Variants in PCDH9 observed in about 807,000 individuals in gnomAD.
PCDH9 encodes the protein protocadherin-9.
PCDH9 carries 24 observed loss-of-function variants against 70.6 expected under a neutral mutation model. The observed-to-expected ratio is 0.34, with a 90% confidence interval of 0.25 to 0.48. The LOEUF (loss-of-function observed/expected upper bound fraction) is 0.48, where lower values mean the gene tolerates loss of function less well. PCDH9 is among the 20% of genes least tolerant of loss of function. PCDH9 has a pLI of 0.99. For synonymous variants in PCDH9, 562 were observed against 558.5 expected (o/e 1.01, Z -0.09); for missense variants, 1,281 against 1,503.6 (o/e 0.85, Z 2.45).
intron 2 of PCDH9, among the ~76,000 whole-genome samples, chr13:67,079,084 C>T (rs1227761144): frequency 6.6e-6 from 1 of 151,598 alleles, no homozygotes; most frequent in African/African-American, 2.4e-5. Context: ...CCGAGGTGAG[C>T]GGATCACAAG....
intron 4 of PCDH9, among the ~76,000 whole-genome samples, chr13:66,320,932 G>A (rs1456842272): frequency 1.3e-5 from 2 of 151,898 alleles, no homozygotes; most frequent in Admixed American, 6.6e-5. Flanking sequence ...AAGGCTACTG[G>A]GGACCAAGTT....
chr13:66,503,725 T>C (rs999565197), intron 4 of PCDH9, among the ~76,000 whole-genome samples: 4 of 152,218 alleles, frequency 2.6e-5, no homozygotes, highest in Non-Finnish European at 1.5e-5. Context: ...AGTATGCTTT[T>C]AGTTCAATGG....
At chr13:66,968,646 T>C (rs1368877617) in intron 2 of PCDH9, among the ~76,000 whole-genome samples, 1 of 152,078 alleles carries the variant, frequency 6.6e-6, no homozygotes, top group Non-Finnish European at 1.5e-5. Context: ...AATTCAACTG[T>C]GCATTGCTTG....
chr13:66,858,879 A>G (rs2081437130), intron 3 of PCDH9: 1 of 152,200 alleles, frequency 6.6e-6, no homozygotes, highest in African/African-American at 2.4e-5. Context: ...GGCTGACAAC[A>G]GACACTTAAT....
At chr13:66,377,453 A>G (rs1275967742) in intron 4 of PCDH9, among the ~76,000 whole-genome samples, 4 of 152,152 alleles carry the variant, frequency 2.6e-5, no homozygotes, top group Non-Finnish European at 5.9e-5. Flanking sequence ...ACAAACCAAA[A>G]CCAAATCAAG....
chr13:66,992,361 A>G (rs1262970533), intron 2 of PCDH9, among the ~76,000 whole-genome samples: 2 of 152,100 alleles, frequency 1.3e-5, no homozygotes, highest in African/African-American at 4.8e-5. Context: ...ATATTGGGGA[A>G]ATCACCCCCT....
intron 4 of PCDH9, among the ~76,000 whole-genome samples, chr13:66,364,116 T>G (rs1956515993): frequency 6.6e-6 from 1 of 151,862 alleles, no homozygotes. Context: ...GACCACGCCA[T>G]TGCACTCCAG....
At chr13:66,521,034 A>G (rs1353279190) in intron 4 of PCDH9, among the ~76,000 whole-genome samples, 1 of 152,180 alleles carries the variant, frequency 6.6e-6, no homozygotes, top group East Asian at 1.9e-4. Flanking sequence ...TATCATACAG[A>G]AAAACAAATT....
intron 4 of PCDH9, among the ~76,000 whole-genome samples, chr13:66,325,321 T>G (rs1955823790): frequency 1.3e-5 from 2 of 152,036 alleles, no homozygotes. Context: ...GCGCTGGTCT[T>G]TAGGTCTCTA....
intron 3 of PCDH9, among the ~76,000 whole-genome samples, chr13:66,696,153 A>G (rs929146680): frequency 2.0e-5 from 3 of 152,126 alleles, no homozygotes; most frequent in Non-Finnish European, 4.4e-5. Flanking sequence ...ATTCATGGTA[A>G]TTAGAATTAT....
intron 4 of PCDH9, among the ~76,000 whole-genome samples, chr13:66,619,761 C>T (rs2077400312): frequency 6.6e-6 from 1 of 151,880 alleles, no homozygotes; most frequent in African/African-American, 2.4e-5. Flanking sequence ...GTGTAGAGCT[C>T]AAATATCCCT....
intron 2 of PCDH9, among the ~76,000 whole-genome samples, chr13:67,186,332 A>G (rs929337170): frequency 4.6e-5 from 7 of 152,228 alleles, no homozygotes; most frequent in African/African-American, 1.4e-4. Context: ...GAAAAGCACA[A>G]TTTCATTTCA....
intron 3 of PCDH9, among the ~76,000 whole-genome samples, chr13:66,702,457 G>A (rs60178567): frequency 0.32 from 48,919 of 151,928 alleles, 8,619 homozygotes; most frequent in South Asian, 0.42. Context: ...ACAAATGATC[G>A]GTTATGTGGG....
At chr13:66,625,337 G>A (rs1290642903) in intron 4 of PCDH9, among the ~76,000 whole-genome samples, 1 of 152,084 alleles carries the variant, frequency 6.6e-6, no homozygotes, top group Non-Finnish European at 1.5e-5. Flanking sequence ...ACATCATTCT[G>A]TAAGTTGATA....
chr13:66,521,782 A>G (rs1031831791), intron 4 of PCDH9, among the ~76,000 whole-genome samples: 1 of 152,094 alleles, frequency 6.6e-6, no homozygotes, highest in African/African-American at 2.4e-5. Flanking sequence ...TTCACAAAAC[A>G]AAAACGATAT....
At chr13:66,420,084 C>T (rs760629993) in intron 4 of PCDH9, among the ~76,000 whole-genome samples, 44 of 152,128 alleles carry the variant, frequency 2.9e-4, no homozygotes, top group Non-Finnish European at 5.3e-4. Context: ...GAGCCCACCA[C>T]GGTGCCACAA....
At chr13:66,630,155 AT>A (rs563574681) in intron 4 of PCDH9, among the ~76,000 whole-genome samples, 24 of 151,220 alleles carry the variant, frequency 1.6e-4, no homozygotes, top group African/African-American at 3.6e-4. Flanking sequence ...AAGCAAAAAT[AT>A]TTTTTTTTGC....
intron 2 of PCDH9, among the ~76,000 whole-genome samples, chr13:67,029,052 A>C (rs1044882194): frequency 7.2e-5 from 11 of 152,188 alleles, no homozygotes; most frequent in African/African-American, 2.4e-4. Flanking sequence ...TAACTTAAAC[A>C]CTGGTTATGC....
chr13:67,072,651 A>G (rs1023214617), intron 2 of PCDH9, among the ~76,000 whole-genome samples: 1 of 152,130 alleles, frequency 6.6e-6, no homozygotes, highest in Non-Finnish European at 1.5e-5. Flanking sequence ...TATTCATCCC[A>G]AATTATTGAC....
Sources: allele counts gnomAD v4.1 joint callset (sites outside exome capture counted in the v4.1 genomes callset), GRCh38; gene constraint gnomAD v4.1.1; transcripts MANE v1.5; gene names NCBI Gene and HGNC (gene_info 2026-07-23, HGNC 2026-07-21).